ELMOD2: variants seen among roughly 807,000 people sequenced by gnomAD.
The protein encoded by ELMOD2 is ELMO domain-containing protein 2.
A neutral mutation model predicts 41.0 loss-of-function variants in ELMOD2; 28 were observed. The ratio of observed to expected loss-of-function variants is 0.68; its 90% confidence interval spans 0.51 to 0.94. The LOEUF (loss-of-function observed/expected upper bound fraction) is 0.94. ELMOD2 is among the 40% of genes least tolerant of loss of function. The pLI is 0.00. For synonymous variants in ELMOD2, 106 were observed against 107.2 expected (o/e 0.99, Z 0.07); for missense variants, 333 against 343.1 (o/e 0.97, Z 0.23).
At chr4:140,545,231 C>T (rs562744787) in intron 8 of ELMOD2, among the ~76,000 whole-genome samples, 5 of 152,160 alleles carry the variant, frequency 3.3e-5, no homozygotes, top group African/African-American at 9.6e-5. Context: ...CGTTTCTTTT[C>T]GAAACATTAT....
chr4:140,540,401 T>C lies in ELMOD2; in HGVS notation c.533+100T>C, dbSNP rs146888299. On this transcript the variant is annotated intron_variant, in intron 6 of 8. Transcript: ENST00000323570. ...GAAGTGATCTAGTTGATTCATACTA[T>C]CTCTGAATTTTAATAACTGCAGTGC... The C allele has an allele frequency of 1.6e-4, 227 of 1,437,724 alleles. No homozygotes were observed. The African/African-American group carries it at 2.9e-3, about 18-fold the overall frequency. 89.1% of individuals were successfully genotyped at this position (1,437,724 alleles called of 1,614,324 possible).
At chr4:140,528,589 C>A (rs1734642912) in intron 3 of ELMOD2, among the ~76,000 whole-genome samples, 1 of 152,092 alleles carries the variant, frequency 6.6e-6, no homozygotes, top group Admixed American at 6.5e-5. Context: ...TGTTATTGAT[C>A]ATGATGTAAA....
At position 140,537,334 on chromosome 4, in the gene ELMOD2, A is replaced by T. The variant is rs1392773794; in HGVS notation, c.270-78A>T. On this transcript the variant is annotated intron_variant, in intron 4 of 8. Transcript: ENST00000323570. ...AAGCCAGGAAATGCTTTCTAAATAGACATATGAACCACAAGCTATGAAAGA... is the reference window on the plus strand; with the variant it reads ...AAGCCAGGAAATGCTTTCTAAATAGTCATATGAACCACAAGCTATGAAAGA... The T allele has an allele frequency of 4.0e-5, 50 of 1,253,830 alleles. 1 individual carries two copies. The highest frequency in any genetic ancestry group is 5.2e-5 in the Non-Finnish European group (50 of 960,388). 77.7% of individuals were successfully genotyped at this position (1,253,830 alleles called of 1,614,324 possible).
intron 3 of ELMOD2, among the ~76,000 whole-genome samples, chr4:140,528,901 G>A (rs1734654307): frequency 6.6e-6 from 1 of 152,126 alleles, no homozygotes; most frequent in Non-Finnish European, 1.5e-5. Flanking sequence ...AAGCTAACAG[G>A]TTGCTGGTTC....
intron 3 of ELMOD2, among the ~76,000 whole-genome samples, chr4:140,533,930 TAA>T (rs1296244442): frequency 1.3e-5 from 2 of 151,990 alleles, no homozygotes; most frequent in Non-Finnish European, 2.9e-5. Flanking sequence ...ACTACATACC[TAA>T]AAGTTACCTA....
intron 8 of ELMOD2, among the ~76,000 whole-genome samples, chr4:140,546,340 G>A (rs1347354231): frequency 6.6e-6 from 1 of 151,256 alleles, no homozygotes; most frequent in Admixed American, 6.6e-5. Flanking sequence ...CTGTTGTGGG[G>A]TTGGGGGAGT....
At chr4:140,544,312 A>G (rs577753828) in intron 8 of ELMOD2, among the ~76,000 whole-genome samples, 2 of 152,154 alleles carry the variant, frequency 1.3e-5, no homozygotes, top group South Asian at 2.1e-4. Context: ...GAAAATATCC[A>G]TGTCTCCTTT....
At chr4:140,532,294 G>A (rs1025433583) in intron 3 of ELMOD2, among the ~76,000 whole-genome samples, 11 of 151,638 alleles carry the variant, frequency 7.3e-5, no homozygotes, top group Non-Finnish European at 1.0e-4. Flanking sequence ...TCTTTCTCGA[G>A]TAGCTGGGGT....
At chr4:140,529,091 T>C (rs1041182225) in intron 3 of ELMOD2, among the ~76,000 whole-genome samples, 1 of 152,188 alleles carries the variant, frequency 6.6e-6, no homozygotes, top group Non-Finnish European at 1.5e-5. Context: ...TCTGGAGGCC[T>C]ATTAAAACAC....
intron 3 of ELMOD2, among the ~76,000 whole-genome samples, chr4:140,533,004 CAT>C (rs1229638138): frequency 6.6e-6 from 1 of 152,064 alleles, no homozygotes; most frequent in Non-Finnish European, 1.5e-5. Context: ...ATCCAGAAAA[CAT>C]AAAATATTCA....
chr4:140,527,856 G>C (rs1187125182), intron 3 of ELMOD2: 1 of 184,820 alleles, frequency 5.4e-6, no homozygotes, highest in African/African-American at 2.3e-5. Context: ...CCTGGGTTGT[G>C]TACCTTTTGA....
intron 6 of ELMOD2, among the ~76,000 whole-genome samples, chr4:140,541,027 G>C (rs541773681): frequency 6.6e-6 from 1 of 152,148 alleles, no homozygotes; most frequent in Non-Finnish European, 1.5e-5. Context: ...ATAGACTACC[G>C]TATGAACTTT....
At chr4:140,538,390 C>G (rs1026753644) in intron 5 of ELMOD2, among the ~76,000 whole-genome samples, 2 of 152,062 alleles carry the variant, frequency 1.3e-5, no homozygotes, top group Non-Finnish European at 2.9e-5. Context: ...TTGATACTAT[C>G]TAAATAACAC....
At chr4:140,545,868 A>G (rs1231148975) in intron 8 of ELMOD2, among the ~76,000 whole-genome samples, 1 of 152,194 alleles carries the variant, frequency 6.6e-6, no homozygotes, top group Admixed American at 6.5e-5. Flanking sequence ...AGAAATAGGA[A>G]CACTTTTACA....
intron 6 of ELMOD2, among the ~76,000 whole-genome samples, chr4:140,541,610 A>T (rs1457522835): frequency 6.6e-6 from 1 of 152,078 alleles, no homozygotes; most frequent in Non-Finnish European, 1.5e-5. Flanking sequence ...GTGTTTACAG[A>T]TCCCTTAGGG....
chr4:140,543,408 G>T lies in ELMOD2; in HGVS notation c.603-45G>T. Reference sequence around the variant, plus strand: ...CTAACATAATTTTAATTTATTTTATGAGTTATTTGGCTAGCTGGTATAACT... The same window carrying T: ...CTAACATAATTTTAATTTATTTTATTAGTTATTTGGCTAGCTGGTATAACT... On this transcript the variant is annotated intron_variant, in intron 7 of 8. Coordinates refer to ENST00000323570, the MANE Select transcript of ELMOD2 (RefSeq NM_153702.4). The T allele has an allele frequency of 1.9e-6, 3 of 1,552,790 alleles. No individual in the cohort carries two copies. The South Asian group carries it at 3.8e-5, about 19-fold the overall frequency.
At chr4:140,532,723 A>C (rs1170319778) in intron 3 of ELMOD2, among the ~76,000 whole-genome samples, 2 of 152,234 alleles carry the variant, frequency 1.3e-5, no homozygotes, top group African/African-American at 2.4e-5. Flanking sequence ...CAAGACAAAT[A>C]TATGTACTTT....
rs1455290575 is a variant in ELMOD2 at position 140,552,881 on chromosome 4, A to C, written c.*2506A>C. The stretch of plus-strand genomic sequence containing the variant: ...ATAGGATCTGAAAGACAATCTTTAA[A>C]GAAATGGGAGAAATTGGGGGTATCA... On this transcript the variant is annotated 3_prime_UTR_variant, in exon 9 of 9. Transcript: ENST00000323570. 3 of 151,352 alleles carry C rather than the reference A, an allele frequency of 2.0e-5. No individual in the cohort carries two copies. The highest frequency in any genetic ancestry group is 6.6e-5 in the Admixed American group (1 of 15,180). The allele number at this position is 151,352 out of a possible 1,614,324, so 9.4% of individuals were successfully genotyped here. A position where few individuals can be genotyped will look rare whatever the true frequency, so the allele number is the denominator to read the frequency against.
intron 4 of ELMOD2, among the ~76,000 whole-genome samples, chr4:140,536,156 G>A (rs1244001356): frequency 6.6e-6 from 1 of 152,122 alleles, no homozygotes; most frequent in East Asian, 1.9e-4. Context: ...CCTCTAGTAA[G>A]GTCCTACCAG....
Sources: gnomAD v4.1 joint callset for allele counts (sites outside exome capture counted in the v4.1 genomes callset) on GRCh38, gnomAD v4.1.1 for gene constraint, MANE v1.5 for transcripts, NCBI Gene and HGNC (gene_info 2026-07-23, HGNC 2026-07-21) for gene names.